The following WWC2 variants were observed in gnomAD, a reference collection of about 807,000 sequenced individuals.
WWC2 encodes WW and C2 domain containing 2.
Under a neutral mutation model 138.5 loss-of-function variants are expected in WWC2, and 101 were observed. That is an observed-to-expected ratio of 0.73 (90% confidence interval 0.62 to 0.86). The LOEUF is 0.86. WWC2 is among the 40% of genes least tolerant of loss of function. WWC2 has a pLI of 0.00. For missense variants in WWC2, 1,420 were observed against 1,419.4 expected (o/e 1.00, Z -0.01); for synonymous variants, 558 against 538.4 (o/e 1.04, Z -0.50).
intron 6 of WWC2, among the ~76,000 whole-genome samples, chr4:183,248,404 A>G (rs1352614212): frequency 2.6e-5 from 4 of 152,198 alleles, no homozygotes; most frequent in Admixed American, 2.6e-4. Context: ...TGAAATAGAG[A>G]TAACTTCTTA....
At chr4:183,175,488 C>T (rs766327822) in intron 1 of WWC2, among the ~76,000 whole-genome samples, 1 of 152,098 alleles carries the variant, frequency 6.6e-6, no homozygotes, top group Non-Finnish European at 1.5e-5. Context: ...GCCCCAAACC[C>T]CTGCGCTCAA....
intron 1 of WWC2, among the ~76,000 whole-genome samples, chr4:183,148,068 T>C (rs1579986811): frequency 1.3e-5 from 2 of 152,322 alleles, no homozygotes; most frequent in Admixed American, 1.3e-4. Context: ...AAAGCCAACC[T>C]TATACTCTGC....
intron 5 of WWC2, among the ~76,000 whole-genome samples, chr4:183,242,860 G>T (rs1736664126): frequency 6.6e-6 from 1 of 152,126 alleles, no homozygotes; most frequent in African/African-American, 2.4e-5. Flanking sequence ...TCATACTTCG[G>T]TTTATTTTAT....
chr4:183,175,995 T>C (rs7674159), intron 1 of WWC2, among the ~76,000 whole-genome samples: 29,838 of 152,210 alleles, frequency 0.2, 3,111 homozygotes, highest in East Asian at 0.27. Context: ...TCATGACTTA[T>C]GCTTGCTTCA....
intron 2 of WWC2, among the ~76,000 whole-genome samples, chr4:183,199,906 G>A (rs1251151691): frequency 1.3e-5 from 2 of 151,996 alleles, no homozygotes; most frequent in Non-Finnish European, 1.5e-5. Flanking sequence ...AAGGCCACTG[G>A]GTCTTAATAA....
intron 21 of WWC2, among the ~76,000 whole-genome samples, chr4:183,308,494 A>G (rs1479040748): frequency 6.6e-6 from 1 of 152,220 alleles, no homozygotes; most frequent in African/African-American, 2.4e-5. Context: ...TAATCAAGGC[A>G]GTGTGGTATT....
At chr4:183,302,498 C>T (rs1300934708) in intron 21 of WWC2, among the ~76,000 whole-genome samples, 1 of 152,138 alleles carries the variant, frequency 6.6e-6, no homozygotes, top group African/African-American at 2.4e-5. Flanking sequence ...TAGACCTTTG[C>T]CTGAGTCAAT....
At chr4:183,200,228 G>A (rs947605431) in intron 2 of WWC2, among the ~76,000 whole-genome samples, 6 of 13,306 alleles carry the variant, frequency 4.5e-4, no homozygotes, top group African/African-American at 4.9e-4. Context: ...ATTCATTTAA[G>A]TGTCAGTCAG....
chr4:183,145,023 C>T (rs762096041), intron 1 of WWC2, among the ~76,000 whole-genome samples: 3 of 152,146 alleles, frequency 2.0e-5, no homozygotes, highest in Non-Finnish European at 4.4e-5. Flanking sequence ...ATAGAATTCC[C>T]GGTGCTTCTT....
chr4:183,199,225 G>GTGTGACTGGGGTAACCGGGGGT (rs1184139949), intron 2 of WWC2, among the ~76,000 whole-genome samples: 10 of 152,222 alleles, frequency 6.6e-5, no homozygotes, highest in Admixed American at 5.2e-4. Context: ...CTGAAGGCTG[G>GTGTGACTGGGGTAACCGGGGGT]TGTGACTGGG....
At chr4:183,309,296 A>G in intron 21 of WWC2, among the ~76,000 whole-genome samples, 1 of 152,318 alleles carries the variant, frequency 6.6e-6, no homozygotes, top group South Asian at 2.1e-4. Flanking sequence ...GAAAAAGAGG[A>G]AACAAGCCAC....
At chr4:183,141,093 G>A (rs2111095260) in intron 1 of WWC2, among the ~76,000 whole-genome samples, 1 of 152,330 alleles carries the variant, frequency 6.6e-6, no homozygotes, top group East Asian at 1.9e-4. Flanking sequence ...GGCTGTTAAG[G>A]AGCATCTGAT....
chr4:183,154,326 CAA>C (rs1156545166), intron 1 of WWC2, among the ~76,000 whole-genome samples: 1 of 152,070 alleles, frequency 6.6e-6, no homozygotes, highest in African/African-American at 2.4e-5. Context: ...GACCTTAAGT[CAA>C]AGGCTTATTA....
At chr4:183,212,110 G>A (rs926851862) in intron 4 of WWC2, among the ~76,000 whole-genome samples, 1 of 152,098 alleles carries the variant, frequency 6.6e-6, no homozygotes, top group South Asian at 2.1e-4. Context: ...TGTAAGCCAC[G>A]GCGCCCGGCC....
At chr4:183,242,993 AAG>A (rs898266218) in intron 5 of WWC2, among the ~76,000 whole-genome samples, 3 of 152,198 alleles carry the variant, frequency 2.0e-5, no homozygotes, top group African/African-American at 7.2e-5. Flanking sequence ...GCAAAAGAAA[AAG>A]AGCAGAAACG....
intron 21 of WWC2, among the ~76,000 whole-genome samples, chr4:183,294,442 G>A (rs1221943746): frequency 6.6e-6 from 1 of 152,246 alleles, no homozygotes; most frequent in East Asian, 1.9e-4. Context: ...GATTGGTCAT[G>A]GCATGAATAC....
chr4:183,206,433 A>ACGAG (rs1252558541), intron 2 of WWC2, among the ~76,000 whole-genome samples: 1 of 152,090 alleles, frequency 6.6e-6, no homozygotes, highest in Non-Finnish European at 1.5e-5. Context: ...CCTGCTAGAG[A>ACGAG]CGAGATCTTA....
chr4:183,299,770 G>C (rs927033427), intron 21 of WWC2, among the ~76,000 whole-genome samples: 1 of 152,074 alleles, frequency 6.6e-6, no homozygotes, highest in Non-Finnish European at 1.5e-5. Flanking sequence ...TCATTTCCCT[G>C]TGGTATTGGG....
chr4:183,218,372 C>G (rs1735815440), intron 4 of WWC2, among the ~76,000 whole-genome samples: 1 of 151,074 alleles, frequency 6.6e-6, no homozygotes, highest in Non-Finnish European at 1.5e-5. Context: ...CTGACTAACA[C>G]AGGTTGGACA....
Sources: allele counts gnomAD v4.1 joint callset (sites outside exome capture counted in the v4.1 genomes callset), GRCh38; gene constraint gnomAD v4.1.1; transcripts MANE v1.5; gene names NCBI Gene and HGNC (gene_info 2026-07-23, HGNC 2026-07-21).